The following ACO2 variants were observed in gnomAD, a reference collection of about 807,000 sequenced individuals.
The protein encoded by ACO2 is aconitate hydratase, mitochondrial.
A neutral mutation model predicts 84.5 loss-of-function variants in ACO2; 31 were observed. The observed-to-expected ratio is 0.37, with a 90% CI of 0.28 to 0.50. ACO2 has a LOEUF of 0.50. Among genes scored for constraint, ACO2 ranks in the 20% least tolerant of loss-of-function variants. The pLI is 0.97. For missense variants in ACO2, 685 were observed against 1,029.3 expected (o/e 0.67, Z 4.58); for synonymous variants, 414 against 412.7 (o/e 1.00, Z -0.04).
intron 8 of ACO2, 60 bp from the exon 9 acceptor site, chr22:41,520,105 AGGCTGT>A: frequency 7.1e-7 from 1 of 1,410,518 alleles, no homozygotes; most frequent in Non-Finnish European, 9.9e-7. Flanking sequence ...GCAGTGAAAG[AGGCTGT>A]CCCCGCTTCA....
chr22:41,487,137 G>A (rs1162130388), intron 1 of ACO2, among the ~76,000 whole-genome samples: 2 of 152,160 alleles, frequency 1.3e-5, no homozygotes, highest in Non-Finnish European at 2.9e-5. Flanking sequence ...ACCCACCTCA[G>A]CCTCCCAGAG....
At chr22:41,516,303 G>A (rs1379304997) in intron 6 of ACO2, among the ~76,000 whole-genome samples, 2 of 152,242 alleles carry the variant, frequency 1.3e-5, no homozygotes, top group Admixed American at 6.5e-5. Context: ...CATTCATGAA[G>A]CAGCTGCAGG....
Position 41,515,744 on chromosome 22 carries a change from C to T in ACO2, c.685-23C>T. 6.2e-7 allele frequency: 1 copy of T among 1,612,394 alleles called. No individual in the cohort carries two copies. The highest frequency in any genetic ancestry group is 8.5e-7 in the Non-Finnish European group (1 of 1,179,840). On this transcript the variant is annotated intron_variant, in intron 5 of 17. Coordinates refer to ENST00000216254, the MANE Select transcript of ACO2 (RefSeq NM_001098.3). This position sits in a 1 kb window ranked among gnomAD's most constrained non-coding sequence, Gnocchi z 5.8. ...CACAGGCACACACGGCCTCTCACAGCCGCCTCGCCCCCTCCTGTCCAGGTG... is the reference window on the plus strand; with the variant it reads ...CACAGGCACACACGGCCTCTCACAGTCGCCTCGCCCCCTCCTGTCCAGGTG...
chr22:41,499,613 G>C, intron 1 of ACO2, 113 bp from the exon 2 acceptor site: 1 of 1,210,774 alleles, frequency 8.3e-7, no homozygotes. Flanking sequence ...TGCAGTTACT[G>C]AACAGCTCTT....
Position 41,515,896 on chromosome 22 carries a change from G to A in ACO2, c.814G>A (p.Val272Ile). The change falls in exon 6 of 18, where the codon GTA becomes ATA. Residue 272 changes from valine (V) to isoleucine (I), a missense_variant. By Grantham distance (29) the Val-to-Ile change is conservative (BLOSUM62 3). Coordinates refer to ENST00000216254, the MANE Select transcript of ACO2 (RefSeq NM_001098.3). The surrounding 1 kb of genome is among the most constrained non-coding windows in gnomAD (Gnocchi z 5.8). ...GAIVEYHGPG[V>I]DSISCTGMAT... ...AATCGTGGAATACCACGGGCCTGGTGTAGACTCCATCTCCTGCACTGGTGA... is the reference window on the plus strand; with the variant it reads ...AATCGTGGAATACCACGGGCCTGGTATAGACTCCATCTCCTGCACTGGTGA... The A allele has an allele frequency of 6.2e-7, 1 of 1,614,146 alleles. No individual in the cohort carries two copies.
chr22:41,472,458 C>T (rs1395795390), intron 1 of ACO2, among the ~76,000 whole-genome samples: 1 of 152,086 alleles, frequency 6.6e-6, no homozygotes, highest in Non-Finnish European at 1.5e-5. Flanking sequence ...TAGCAACTGG[C>T]ACTATGCTGC....
Position 41,523,254 on chromosome 22 carries a change from G to A in ACO2, c.1346G>A (p.Gly449Asp). Residue 449 changes from glycine to aspartate, a missense_variant, in exon 11 of 18, where the codon GGC (glycine) becomes GAC (aspartate). By Grantham distance (94) the Gly-to-Asp change is moderately conservative. This residue lies in a region of ACO2 where 311 missense variants were observed against 441.6 expected (regional missense o/e 0.70). Coordinates refer to ENST00000216254, the MANE Select transcript of ACO2 (RefSeq NM_001098.3). The stretch of plus-strand genomic sequence containing the variant: ...GGCATTGTCCTGGCCAATGCTTGTG[G>A]CCCCTGCATTGGCCAGTGGGACAGG... ...LGGIVLANAC[G>D]PCIGQWDRKD... The A allele has an allele frequency of 6.2e-7, 1 of 1,612,308 alleles. No homozygotes were observed.
intron 6 of ACO2, chr22:41,517,223 ACAGT>A (rs1485600973): frequency 2.6e-6 from 1 of 387,464 alleles, no homozygotes. Context: ...CTCTTGGGCG[ACAGT>A]CAGGCCCCAA....
chr22:41,527,451 C>CATCCCATCCCT, intron 16 of ACO2, 31 bp downstream of exon 16: 2 of 1,585,302 alleles, frequency 1.3e-6, no homozygotes, highest in Non-Finnish European at 1.7e-6. Context: ...AGGCCATCCT[C>CATCCCATCCCT]ATCCCATCCC....
Position 41,505,199 on chromosome 22 carries a change from A to G in ACO2, c.174-2592A>G, listed in dbSNP as rs540865830. Among the ~76,000 whole-genome samples the G allele has an allele frequency of 2.2e-4, 34 of 152,228 alleles. No individual in the cohort carries two copies. The South Asian group carries it at 7.1e-3, about 32-fold the overall frequency. Reference sequence around the variant, plus strand: ...TTCGGGAAGATCATGTGAGCCTAGGAGTTCAAGACCAGCCTGGTCAATACA... The same window carrying G: ...TTCGGGAAGATCATGTGAGCCTAGGGGTTCAAGACCAGCCTGGTCAATACA... On this transcript the variant is annotated intron_variant, in intron 2 of 17. Transcript: ENST00000216254.
chr22:41,480,422 A>G (rs746521586), intron 1 of ACO2, among the ~76,000 whole-genome samples: 1 of 152,088 alleles, frequency 6.6e-6, no homozygotes, highest in Non-Finnish European at 1.5e-5. Context: ...TTTCAGTTCC[A>G]TTTCAATTCC....
chr22:41,505,216 G>C (rs2066384246), intron 2 of ACO2, among the ~76,000 whole-genome samples: 1 of 151,874 alleles, frequency 6.6e-6, no homozygotes, highest in Admixed American at 6.6e-5. Context: ...GACCAGCCTG[G>C]TCAATACAGT....
intron 3 of ACO2, among the ~76,000 whole-genome samples, chr22:41,510,032 C>T (rs527892789): frequency 9.2e-5 from 14 of 152,128 alleles, no homozygotes; most frequent in Non-Finnish European, 1.9e-4. Context: ...GACAGGGTTT[C>T]ACCACGTTGG....
chr22:41,523,138 C>T (rs1228670062), intron 10 of ACO2, 67 bp from the exon 11 acceptor site: 3 of 1,541,456 alleles, frequency 1.9e-6, no homozygotes, highest in Non-Finnish European at 2.7e-6. Flanking sequence ...CCTGCAGCCA[C>T]CACATCACCC....
At chr22:41,508,358 C>T (rs1601910129) in intron 3 of ACO2, among the ~76,000 whole-genome samples, 2 of 152,322 alleles carry the variant, frequency 1.3e-5, no homozygotes, top group Middle Eastern at 3.4e-3. Flanking sequence ...CCATGCAGGC[C>T]TCCCTGTCTG....
At chr22:41,498,156 T>A (rs911875706) in intron 1 of ACO2, among the ~76,000 whole-genome samples, 9 of 150,942 alleles carry the variant, frequency 6.0e-5, no homozygotes, top group African/African-American at 2.2e-4. Context: ...AATAAGTAAA[T>A]AAACAAATAA....
At chr22:41,470,528 CTTTTTTTTTTTTTTTTTT>C (rs71184811) in intron 1 of ACO2, among the ~76,000 whole-genome samples, 140 of 95,852 alleles carry the variant, frequency 1.5e-3, no homozygotes, top group African/African-American at 4.9e-3. Flanking sequence ...CTCTTTACAT[CTTTTTTTTTTTTTTTTTT>C]TTTTTTTTTT....
chr22:41,520,733 T>G (rs1056181244), intron 9 of ACO2, among the ~76,000 whole-genome samples: 2 of 151,708 alleles, frequency 1.3e-5, no homozygotes, highest in Non-Finnish European at 2.9e-5. Flanking sequence ...CCCCAGCTAC[T>G]TGGGAGGCTG....
intron 9 of ACO2, among the ~76,000 whole-genome samples, chr22:41,521,066 A>C (rs2066522359): frequency 6.6e-6 from 1 of 151,628 alleles, no homozygotes; most frequent in Admixed American, 6.6e-5. Context: ...AAAAGAAAGA[A>C]AAGAAAAATT....
Sources: allele counts gnomAD v4.1 joint callset (sites outside exome capture counted in the v4.1 genomes callset), GRCh38; gene constraint gnomAD v4.1.1; regional missense constraint gnomAD v4.1.1; non-coding constraint Gnocchi (gnomAD v3.1); transcripts MANE v1.5; gene names NCBI Gene and HGNC (gene_info 2026-07-23, HGNC 2026-07-21).